MNAT1: variants seen among roughly 807,000 people sequenced by gnomAD.
MNAT1 encodes CDK-activating kinase assembly factor MAT1.
In MNAT1, 43 loss-of-function variants were observed where a neutral mutation model predicts 42.0. The ratio of observed to expected loss-of-function variants is 1.02; its 90% CI spans 0.80 to 1.32. MNAT1 has a LOEUF of 1.32. Among genes scored for constraint, MNAT1 ranks in the 40% most tolerant of loss-of-function variants. MNAT1 has a pLI of 0.00. For synonymous variants in MNAT1, 118 were observed against 120.0 expected, an observed-to-expected ratio of 0.98 and a Z score of 0.11; for missense variants, 306 against 350.4, an observed-to-expected ratio of 0.87 and a Z score of 1.01.
At chr14:60,858,989 G>A (rs924351968) in intron 6 of MNAT1, among the ~76,000 whole-genome samples, 5 of 152,158 alleles carry the variant, frequency 3.3e-5, no homozygotes, top group Non-Finnish European at 4.4e-5. Context: ...CAATATCTCC[G>A]AAGTATGCCC....
chr14:60,768,575 G>A (rs762078508), intron 1 of MNAT1, among the ~76,000 whole-genome samples: 2 of 152,046 alleles, frequency 1.3e-5, no homozygotes, highest in Non-Finnish European at 2.9e-5. Flanking sequence ...AACCTGGGAG[G>A]GTTTTAAAAA....
chr14:60,841,188 T>C (rs938231652), intron 6 of MNAT1, among the ~76,000 whole-genome samples: 11 of 151,844 alleles, frequency 7.2e-5, no homozygotes, highest in African/African-American at 2.4e-4. Context: ...CCTCCCTTTG[T>C]ATCTCCCCTT....
At chr14:60,902,976 A>G (rs771887271) in intron 7 of MNAT1, among the ~76,000 whole-genome samples, 3 of 151,802 alleles carry the variant, frequency 2.0e-5, no homozygotes, top group East Asian at 1.9e-4. Flanking sequence ...TTTCAATGCT[A>G]TATTTGTGAC....
At chr14:60,761,126 G>T (rs1162171572) in intron 1 of MNAT1, among the ~76,000 whole-genome samples, 2 of 152,086 alleles carry the variant, frequency 1.3e-5, no homozygotes, top group African/African-American at 4.8e-5. Flanking sequence ...TGTGTGTCAT[G>T]ATCTATTTAT....
intron 1 of MNAT1, among the ~76,000 whole-genome samples, chr14:60,795,695 A>C (rs1212882735): frequency 6.6e-6 from 1 of 152,192 alleles, no homozygotes; most frequent in African/African-American, 2.4e-5. Flanking sequence ...CTGGCCAGTG[A>C]GGCCTCATTC....
intron 7 of MNAT1, among the ~76,000 whole-genome samples, chr14:60,928,371 A>G (rs2035808321): frequency 6.6e-6 from 1 of 152,188 alleles, no homozygotes; most frequent in Non-Finnish European, 1.5e-5. Context: ...TATCTTGGAT[A>G]TATACTTAGG....
chr14:60,826,822 A>G (rs1163246705), intron 6 of MNAT1, among the ~76,000 whole-genome samples: 1 of 152,124 alleles, frequency 6.6e-6, no homozygotes, highest in Non-Finnish European at 1.5e-5. Context: ...GCTTATGGTT[A>G]TGGTTACTAT....
chr14:60,808,514 C>A, intron 4 of MNAT1, 86 bp downstream of exon 4: 2 of 793,810 alleles, frequency 2.5e-6, no homozygotes, highest in Non-Finnish European at 3.9e-6. Context: ...TCCTTTAAAC[C>A]AGTTACATTT....
At chr14:60,941,302 C>A (rs1348068014) in intron 7 of MNAT1, among the ~76,000 whole-genome samples, 1 of 152,182 alleles carries the variant, frequency 6.6e-6, no homozygotes, top group Non-Finnish European at 1.5e-5. Flanking sequence ...GTCAATACTA[C>A]TGACTAGGAT....
At chr14:60,842,082 C>A (rs1263984883) in intron 6 of MNAT1, among the ~76,000 whole-genome samples, 2 of 152,236 alleles carry the variant, frequency 1.3e-5, no homozygotes, top group African/African-American at 2.4e-5. Context: ...CGGCAGCTAA[C>A]TGACTAAATC....
At chr14:60,802,180 A>G in intron 3 of MNAT1, among the ~76,000 whole-genome samples, 1 of 152,150 alleles carries the variant, frequency 6.6e-6, no homozygotes, top group East Asian at 1.9e-4. Context: ...ACATTGGAGA[A>G]TAGGCAGTAT....
chr14:60,926,240 G>A (rs1172295302), intron 7 of MNAT1, among the ~76,000 whole-genome samples: 1 of 152,162 alleles, frequency 6.6e-6, no homozygotes, highest in Non-Finnish European at 1.5e-5. Context: ...CTGACGACAG[G>A]TGTTGTGGGG....
chr14:60,832,623 C>T (rs2033259087), intron 6 of MNAT1, among the ~76,000 whole-genome samples: 1 of 151,466 alleles, frequency 6.6e-6, no homozygotes, highest in Admixed American at 6.6e-5. Context: ...ATGGCTCCAG[C>T]TTTGTTCTTT....
chr14:60,819,078 T>A (rs957365571), intron 6 of MNAT1, among the ~76,000 whole-genome samples: 2 of 152,232 alleles, frequency 1.3e-5, no homozygotes, highest in East Asian at 3.9e-4. Context: ...TGTATGACTT[T>A]CTTACTCTAC....
At chr14:60,879,628 T>A (rs533942102) in intron 6 of MNAT1, 86 bp from the exon 7 acceptor site, 156 of 1,343,274 alleles carry the variant, frequency 1.2e-4, no homozygotes, top group Non-Finnish European at 1.6e-4. Context: ...ATGTGAGGAA[T>A]TTAATTCATC....
At position 60,969,913 on chromosome 14, in the gene MNAT1, T is replaced by C. The variant is rs911602093; in HGVS notation, c.*1564T>C. 2.6e-5 allele frequency: 4 copies of C among 152,216 alleles called. No homozygotes were observed. Among genetic ancestry groups the C allele is most frequent in the African/African-American group, 7.2e-5 (3 of 41,460 alleles). The allele number at this position is 152,216 out of a possible 1,614,324, so 9.4% of individuals were successfully genotyped here. A position where few individuals can be genotyped will look rare whatever the true frequency, so the allele number is the denominator to read the frequency against. ...TTTTGAGCCTGCCTTATTGTGGAAA[T>C]TGCATGCACCTGGTTTGGCAAATAA... On this transcript the variant is annotated 3_prime_UTR_variant, in exon 8 of 8. Transcript: ENST00000261245.
intron 1 of MNAT1, among the ~76,000 whole-genome samples, chr14:60,748,618 C>T (rs1199109356): frequency 6.6e-6 from 1 of 152,198 alleles, no homozygotes; most frequent in African/African-American, 2.4e-5. Context: ...TAGACCTACA[C>T]AGGGTCAGGA....
intron 6 of MNAT1, among the ~76,000 whole-genome samples, chr14:60,858,718 C>T (rs190172437): frequency 1.3e-5 from 2 of 152,282 alleles, no homozygotes; most frequent in Non-Finnish European, 2.9e-5. Flanking sequence ...CTTTAGCAAC[C>T]ACCACCCTGA....
At chr14:60,783,563 C>A (rs1470652695) in intron 1 of MNAT1, among the ~76,000 whole-genome samples, 1 of 152,212 alleles carries the variant, frequency 6.6e-6, no homozygotes, top group Non-Finnish European at 1.5e-5. Context: ...GTGGTGTGAT[C>A]TTGGCTCACT....
Sources: allele counts gnomAD v4.1 joint callset (sites outside exome capture counted in the v4.1 genomes callset), GRCh38; gene constraint gnomAD v4.1.1; transcripts MANE v1.5; gene names NCBI Gene and HGNC (gene_info 2026-07-23, HGNC 2026-07-21).